ADCY5: variants seen among roughly 807,000 people sequenced by gnomAD.
ADCY5 encodes the protein adenylate cyclase type 5.
A neutral mutation model predicts 119.7 loss-of-function variants in ADCY5; 30 were observed. The ratio of observed to expected loss-of-function variants is 0.25; its 90% CI spans 0.19 to 0.34. ADCY5 has a LOEUF of 0.34. Ranked by LOEUF, ADCY5 falls within the 10% of genes least tolerant of loss-of-function variation. ADCY5 has a pLI of 1.00. For missense variants in ADCY5, 1,324 were observed against 1,775.2 expected, an observed-to-expected ratio of 0.75 and a Z score of 4.57; for synonymous variants, 753 against 762.2, an observed-to-expected ratio of 0.99 and a Z score of 0.20.
intron 1 of ADCY5, among the ~76,000 whole-genome samples, chr3:123,354,432 A>C (rs1373282197): frequency 3.9e-5 from 6 of 152,194 alleles, no homozygotes; most frequent in African/African-American, 1.2e-4. Context: ...CCCTAAGACC[A>C]GGGAGAAGAA....
At chr3:123,393,564 TTAAAATAAAATAAAATAAAA>T (rs58733977) in intron 1 of ADCY5, among the ~76,000 whole-genome samples, 6 of 143,436 alleles carry the variant, frequency 4.2e-5, no homozygotes, top group South Asian at 2.3e-4. Context: ...TTCTAAAAAA[TTAAAATAAAATAAAATAAAA>T]TAAAATAAAA....
chr3:123,404,707 G>A, intron 1 of ADCY5: 1 of 152,366 alleles, frequency 6.6e-6, no homozygotes, highest in Admixed American at 6.5e-5. Flanking sequence ...GGGTGTTGTG[G>A]GTCCACTCTG....
At chr3:123,391,264 C>T (rs1028465774) in intron 1 of ADCY5, among the ~76,000 whole-genome samples, 2 of 152,282 alleles carry the variant, frequency 1.3e-5, no homozygotes, top group African/African-American at 4.8e-5. Context: ...TTTCAAAGCA[C>T]GTGCCACTCC....
chr3:123,338,591 A>G (rs773530664), intron 3 of ADCY5, among the ~76,000 whole-genome samples: 9 of 152,214 alleles, frequency 5.9e-5, no homozygotes, highest in Non-Finnish European at 1.2e-4. Flanking sequence ...CCCATCTGAG[A>G]GCTCCTCTTG....
At chr3:123,326,359 C>G (rs540508537) in intron 7 of ADCY5, among the ~76,000 whole-genome samples, 1 of 152,318 alleles carries the variant, frequency 6.6e-6, no homozygotes, top group Non-Finnish European at 1.5e-5. Flanking sequence ...TGAGGCAACC[C>G]TCCCCTCAAC....
chr3:123,290,368 C>T (rs1162827554), intron 18 of ADCY5, among the ~76,000 whole-genome samples: 1 of 152,232 alleles, frequency 6.6e-6, no homozygotes, highest in Non-Finnish European at 1.5e-5. Flanking sequence ...ACTCAGCCAA[C>T]TCCCATCACT....
chr3:123,336,518 G>A (rs6782131), intron 3 of ADCY5, among the ~76,000 whole-genome samples: 6,544 of 152,290 alleles, frequency 0.043, 468 homozygotes, highest in African/African-American at 0.15. Flanking sequence ...TTTGGGGGCT[G>A]GAGATGCCCC....
At position 123,303,838 on chromosome 3, in the gene ADCY5, A is replaced by G. The variant is rs73186456; in HGVS notation, c.2559+229T>C. Among the ~76,000 whole-genome samples, 15,633 of 98,354 alleles carry G rather than the reference A, an allele frequency of 0.16. 1,045 individuals carry two copies. Among genetic ancestry groups the G allele is most frequent in the Middle Eastern group, 0.26 (61 of 232 alleles). The allele number at this position is 98,354 out of a possible 152,430, so 64.5% of individuals were successfully genotyped here. ...AGACTCTGTCTCAAAACTGGAAAGA[A>G]AAGAGAAGAGAAGAGAAGAGAAGAG... is the stretch of plus-strand genomic sequence containing the variant. On this transcript the variant is annotated intron_variant, in intron 13 of 20. Transcript: ENST00000462833.
intron 1 of ADCY5, among the ~76,000 whole-genome samples, chr3:123,389,934 A>T (rs1218604893): frequency 1.3e-5 from 2 of 152,090 alleles, no homozygotes; most frequent in African/African-American, 4.8e-5. Context: ...AATAGCCCTT[A>T]GCCTTCCTCA....
At chr3:123,400,987 G>T (rs1195772222) in intron 1 of ADCY5, among the ~76,000 whole-genome samples, 4 of 151,534 alleles carry the variant, frequency 2.6e-5, no homozygotes, top group East Asian at 3.9e-4. Context: ...AATAAATAAA[G>T]AGCTGATACG....
chr3:123,377,057 A>G (rs1943861917), intron 1 of ADCY5, among the ~76,000 whole-genome samples: 2 of 152,166 alleles, frequency 1.3e-5, no homozygotes, highest in South Asian at 4.1e-4. Context: ...TCTCCGCCAC[A>G]CACACACACC....
chr3:123,439,598 A>G (rs1304184635), intron 1 of ADCY5, among the ~76,000 whole-genome samples: 2 of 152,200 alleles, frequency 1.3e-5, no homozygotes, highest in African/African-American at 4.8e-5. Flanking sequence ...ATAATGTTAT[A>G]TAGGGTTTGG....
rs982365272 is a variant in ADCY5 at position 123,408,338 on chromosome 3, G to T, written c.1134+39074C>A. Among the ~76,000 whole-genome samples, 9 of 105,182 alleles carry T rather than the reference G, an allele frequency of 8.6e-5. No individual in the cohort carries two copies. In the East Asian group the frequency reaches 1.4e-3, roughly 16 times the overall value. 69.0% of individuals were successfully genotyped at this position (105,182 alleles called of 152,430 possible). ...AAGAAAATTAGCATACAAATGTTAC[G>T]TTTTTTGTTTTTTTTTTTTTTTTTA... On this transcript the variant is annotated intron_variant, in intron 1 of 20. Coordinates refer to ENST00000462833, the MANE Select transcript of ADCY5 (RefSeq NM_183357.3).
chr3:123,368,008 T>A lies in ADCY5; in HGVS notation c.1135-15427A>T, dbSNP rs58954787. 0.01 allele frequency: 15,191 copies of A among 1,503,574 alleles called. 1,139 individuals are homozygous for A. In the African/African-American group the frequency reaches 0.17, roughly 17 times the overall value. 93.1% of individuals were successfully genotyped at this position (1,503,574 alleles called of 1,614,324 possible). ...TGCCCTGTGGGGATGGAGGGGACCA[T>A]GGGCACCTCAGCAGGGATCCAGGGG... On this transcript the variant is annotated intron_variant, in intron 1 of 20. Coordinates refer to ENST00000462833, the MANE Select transcript of ADCY5 (RefSeq NM_183357.3).
chr3:123,437,505 T>C (rs1945640506), intron 1 of ADCY5, among the ~76,000 whole-genome samples: 1 of 152,124 alleles, frequency 6.6e-6, no homozygotes, highest in African/African-American at 2.4e-5. Flanking sequence ...CCTTCTCTTA[T>C]CCCAGTTTCT....
chr3:123,439,509 G>C (rs1488646277), intron 1 of ADCY5, among the ~76,000 whole-genome samples: 1 of 152,254 alleles, frequency 6.6e-6, no homozygotes, highest in African/African-American at 2.4e-5. Context: ...CTGTTCTATT[G>C]TATTATTAAT....
intron 17 of ADCY5, among the ~76,000 whole-genome samples, chr3:123,292,514 T>C (rs10049128): frequency 0.73 from 110,608 of 152,062 alleles, 41,182 homozygotes; most frequent in East Asian, 0.87. Context: ...CCCGAGGGCT[T>C]CTGGACGCTA....
intron 1 of ADCY5, among the ~76,000 whole-genome samples, chr3:123,407,250 C>T (rs968957071): frequency 5.3e-5 from 8 of 152,176 alleles, no homozygotes; most frequent in Admixed American, 2.0e-4. Flanking sequence ...CCATCGCCAT[C>T]AGTGCACACC....
chr3:123,368,380 G>A (rs965276788), intron 1 of ADCY5, among the ~76,000 whole-genome samples: 2 of 152,228 alleles, frequency 1.3e-5, no homozygotes, highest in African/African-American at 2.4e-5. Flanking sequence ...TGGGTCACTT[G>A]AGGTCAGGAG....
Sources: allele counts gnomAD v4.1 joint callset (sites outside exome capture counted in the v4.1 genomes callset), GRCh38; gene constraint gnomAD v4.1.1; transcripts MANE v1.5; gene names NCBI Gene and HGNC (gene_info 2026-07-23, HGNC 2026-07-21).